CLCN4: variants seen among roughly 807,000 people sequenced by gnomAD.
The protein encoded by CLCN4 is Cl-/H+ antiporter 4.
Under a neutral mutation model 41.7 loss-of-function variants are expected in CLCN4, and 1 was observed. That is an observed-to-expected ratio of 0.02 (90% CI 0.01 to 0.11). CLCN4 has a LOEUF of 0.11. CLCN4 is among the 10% of genes least tolerant of loss of function. The probability of loss-of-function intolerance (pLI) is 1.00; values close to 1 mark genes in which losing one functional copy is unlikely to be tolerated. For missense variants in CLCN4, 287 were observed against 661.0 expected, an observed-to-expected ratio of 0.43 and a Z score of 6.20; for synonymous variants, 277 against 285.8, an observed-to-expected ratio of 0.97 and a Z score of 0.31.
At chrX:10,224,506 A>G (rs930725243) in intron 12 of CLCN4, among the ~76,000 whole-genome samples, 2 of 110,314 alleles carry the variant, frequency 1.8e-5, no homozygotes, top group Non-Finnish European at 3.8e-5. Flanking sequence ...CTTGTTATCT[A>G]CTAAAGAACA....
intron 4 of CLCN4, among the ~76,000 whole-genome samples, chrX:10,192,581 G>C (rs1393626719): frequency 9.0e-6 from 1 of 111,295 alleles, no homozygotes; most frequent in African/African-American, 3.3e-5. Context: ...GATCTGAGGG[G>C]CCAGCTGTCA....
chrX:10,164,351 C>G (rs1923189959), intron 2 of CLCN4, among the ~76,000 whole-genome samples: 2 of 111,380 alleles, frequency 1.8e-5, no homozygotes, highest in South Asian at 7.6e-4. Flanking sequence ...GGGGTGGGGA[C>G]AGGTGCTCAG....
At chrX:10,169,293 A>C (rs1189822399) in intron 2 of CLCN4, among the ~76,000 whole-genome samples, 1 of 111,944 alleles carries the variant, frequency 8.9e-6, no homozygotes, top group Non-Finnish European at 1.9e-5. Context: ...TTGGATAAAA[A>C]CAGTGAAGGA....
chrX:10,171,076 C>T (rs1350677413), intron 2 of CLCN4, among the ~76,000 whole-genome samples: 2 of 111,281 alleles, frequency 1.8e-5, no homozygotes, highest in African/African-American at 3.3e-5. Flanking sequence ...TTAGTAGAGA[C>T]GGAGTTTTAC....
At chrX:10,193,861 T>G (rs2238890) in intron 4 of CLCN4, among the ~76,000 whole-genome samples, 20,035 of 110,286 alleles carry the variant, frequency 0.18, 1,920 homozygotes, top group East Asian at 0.79. Flanking sequence ...GGCCATTGCC[T>G]TAGCTGCATG....
intron 11 of CLCN4, among the ~76,000 whole-genome samples, chrX:10,217,385 G>T: frequency 8.9e-6 from 1 of 112,150 alleles, no homozygotes; most frequent in Middle Eastern, 4.6e-3. Context: ...TGCTGGGGCT[G>T]TCTTGTGCAC....
intron 12 of CLCN4, among the ~76,000 whole-genome samples, chrX:10,229,281 C>T (rs1041549079): frequency 5.4e-5 from 6 of 110,780 alleles, no homozygotes; most frequent in African/African-American, 2.0e-4. Context: ...AGAGCTAGAA[C>T]AAAATTTCCT....
chrX:10,232,961 T>TACTTAAAATACCTTAC (rs1411096065), intron 12 of CLCN4, among the ~76,000 whole-genome samples: 1 of 112,158 alleles, frequency 8.9e-6, no homozygotes, highest in Non-Finnish European at 1.9e-5. Flanking sequence ...AAATTTCTTA[T>TACTTAAAATACCTTAC]ACTTAAAATA....
intron 2 of CLCN4, among the ~76,000 whole-genome samples, chrX:10,166,543 T>C (rs1169156444): frequency 9.0e-6 from 1 of 111,463 alleles, no homozygotes; most frequent in Non-Finnish European, 1.9e-5. Context: ...TGCCTGCTGT[T>C]GTGGAGAAAG....
At chrX:10,208,011 G>T in intron 8 of CLCN4, 34 bp from the exon 9 acceptor site, 1 of 1,147,878 alleles carries the variant, frequency 8.7e-7, no homozygotes. Flanking sequence ...CTCTTTCTCC[G>T]GCCAGTCTTT....
At chrX:10,207,126 G>A (rs1040799244) in intron 8 of CLCN4, among the ~76,000 whole-genome samples, 1 of 111,005 alleles carries the variant, frequency 9.0e-6, no homozygotes, top group Non-Finnish European at 1.9e-5. Flanking sequence ...TCACCATATT[G>A]GTCAGGCTGG....
At chrX:10,188,792 A>G (rs1923880174) in intron 4 of CLCN4, among the ~76,000 whole-genome samples, 1 of 112,219 alleles carries the variant, frequency 8.9e-6, no homozygotes, top group African/African-American at 3.2e-5. Flanking sequence ...GAGTTTTGTG[A>G]TTCCAGGGGC....
intron 6 of CLCN4, among the ~76,000 whole-genome samples, chrX:10,205,607 CTTT>C (rs923729645): frequency 7.7e-5 from 7 of 90,614 alleles, no homozygotes; most frequent in Admixed American, 2.4e-4. Context: ...TGGCATATTC[CTTT>C]TTTTTTTTTT....
At chrX:10,217,305 C>G (rs907036498) in intron 11 of CLCN4, among the ~76,000 whole-genome samples, 1 of 110,695 alleles carries the variant, frequency 9.0e-6, no homozygotes, top group Non-Finnish European at 1.9e-5. Context: ...TATTACTTCC[C>G]TAAAAACACA....
At chrX:10,215,542 G>GT (rs1569232379) in intron 11 of CLCN4, among the ~76,000 whole-genome samples, 2 of 111,815 alleles carry the variant, frequency 1.8e-5, no homozygotes, top group African/African-American at 6.5e-5. Context: ...AAATAATGAG[G>GT]TTTTTTTAAG....
chrX:10,170,911 G>A (rs767753435), intron 2 of CLCN4, among the ~76,000 whole-genome samples: 12 of 112,282 alleles, frequency 1.1e-4, no homozygotes, highest in East Asian at 2.8e-4. Flanking sequence ...TTGAGACAGC[G>A]TCTCGCTGTG....
At chrX:10,214,653 C>T (rs1431059627) in intron 11 of CLCN4, among the ~76,000 whole-genome samples, 1 of 112,607 alleles carries the variant, frequency 8.9e-6, no homozygotes, top group Non-Finnish European at 1.9e-5. Flanking sequence ...GTGCAGACAT[C>T]GCTGAAACCA....
chrX:10,222,483 T>A (rs1924884732), intron 12 of CLCN4, among the ~76,000 whole-genome samples: 1 of 111,458 alleles, frequency 9.0e-6, no homozygotes, highest in African/African-American at 3.3e-5. Context: ...CACACTCTAG[T>A]TTAACACAGC....
At chrX:10,220,548 T>C in intron 11 of CLCN4, 113 bp from the exon 12 acceptor site, 1 of 580,464 alleles carries the variant, frequency 1.7e-6, no homozygotes, top group Non-Finnish European at 2.9e-6. Context: ...GTGTGGTTCA[T>C]CCTCCAAACC....
Sources: gnomAD v4.1 joint callset for allele counts (sites outside exome capture counted in the v4.1 genomes callset) on GRCh38, gnomAD v4.1.1 for gene constraint, MANE v1.5 for transcripts, NCBI Gene and HGNC (gene_info 2026-07-23, HGNC 2026-07-21) for gene names.